IQCH: variants seen among roughly 807,000 people sequenced by gnomAD.
The protein encoded by IQCH is IQ motif containing H.
IQCH carries 98 observed loss-of-function variants against 117.0 expected under a neutral mutation model. The observed-to-expected ratio is 0.84, with a 90% CI of 0.71 to 0.99. The LOEUF is 0.99. Ranked by LOEUF, IQCH falls within the 50% of genes least tolerant of loss-of-function variation. IQCH has a pLI of 0.00. For missense variants in IQCH, 1,102 were observed against 1,243.8 expected (o/e 0.89, Z 1.72); for synonymous variants, 412 against 448.2 (o/e 0.92, Z 1.02).
intron 14 of IQCH, among the ~76,000 whole-genome samples, chr15:67,402,404 G>T (rs894614348): frequency 6.6e-6 from 1 of 152,114 alleles, no homozygotes; most frequent in Non-Finnish European, 1.5e-5. Context: ...AATCATATTC[G>T]GAGTGGAGGT....
intron 3 of IQCH, among the ~76,000 whole-genome samples, chr15:67,272,920 A>G (rs1965962484): frequency 6.6e-6 from 1 of 152,096 alleles, no homozygotes; most frequent in East Asian, 1.9e-4. Context: ...ATTCAGTCTT[A>G]TTATTGCTGA....
rs113201131 is a variant in IQCH at position 67,281,865 on chromosome 15, G to A, written c.387+2353G>A. ...ACAAAACCACCACAGTGATCTCTAAGAGTGTGCTCATCTGCATGTAAAATA... is the reference window on the plus strand; with the variant it reads ...ACAAAACCACCACAGTGATCTCTAAAAGTGTGCTCATCTGCATGTAAAATA... On this transcript the variant is annotated intron_variant, in intron 4 of 20. Coordinates refer to ENST00000335894, the MANE Select transcript of IQCH (RefSeq NM_001031715.3). 1,098 of 427,418 alleles carry A rather than the reference G, an allele frequency of 2.6e-3. 10 individuals are homozygous for A. The highest frequency in any genetic ancestry group is 0.02 in the African/African-American group (981 of 49,424). The allele number at this position is 427,418 out of a possible 1,614,324, so 26.5% of individuals were successfully genotyped here.
chr15:67,428,219 A>G (rs1199423560), intron 16 of IQCH, among the ~76,000 whole-genome samples: 1 of 152,268 alleles, frequency 6.6e-6, no homozygotes, highest in Admixed American at 6.5e-5. Flanking sequence ...AAGAATATTT[A>G]ACAGGAAACT....
At position 67,443,410 on chromosome 15, in the gene IQCH, C is replaced by A. The variant is rs2082325499; in HGVS notation, c.2506-21717C>A. On this transcript the variant is annotated intron_variant, in intron 16 of 20. Coordinates refer to ENST00000335894, the MANE Select transcript of IQCH (RefSeq NM_001031715.3). This position sits in a 1 kb window ranked among gnomAD's most constrained non-coding sequence, Gnocchi z 5.0. ...AAAGGCATAAGAATGATACAATCGA[C>A]TTTGGGGACTTGGGGGAAAGAGTGG... Among the ~76,000 whole-genome samples the A allele has an allele frequency of 6.6e-6, 1 of 152,082 alleles. No homozygotes were observed. The highest frequency in any genetic ancestry group is 2.1e-4 in the South Asian group (1 of 4,810).
rs1279395479 is a variant in IQCH, at chr15:67,413,641, A to T, written c.2098-3290A>T. On this transcript the variant is annotated intron_variant, in intron 14 of 20. Coordinates refer to ENST00000335894, the MANE Select transcript of IQCH (RefSeq NM_001031715.3). This position sits in a 1 kb window ranked among gnomAD's most constrained non-coding sequence, Gnocchi z 5.0. ...TCAGACACTTTCAAAATAAAGAAAT[A>T]AATTAAACAGTTAATACCCCTCTCC... 6.6e-6 allele frequency: 1 copy of T among 152,178 alleles called. No individual in the cohort carries two copies. Among genetic ancestry groups the T allele is most frequent in the Non-Finnish European group, 1.5e-5 (1 of 68,038 alleles). 9.4% of individuals were successfully genotyped at this position (152,178 alleles called of 1,614,324 possible). A position where few individuals can be genotyped will look rare whatever the true frequency, so the allele number is the denominator to read the frequency against.
chr15:67,299,165 C>T (rs1966899930), intron 4 of IQCH, among the ~76,000 whole-genome samples: 1 of 150,940 alleles, frequency 6.6e-6, no homozygotes, highest in Non-Finnish European at 1.5e-5. Context: ...ATAAGCCAGG[C>T]ATAGAAGGGC....
Position 67,458,013 on chromosome 15 carries a change from T to A in IQCH, c.2506-7114T>A, listed in dbSNP as rs1217151494. On this transcript the variant is annotated intron_variant, in intron 16 of 20. Transcript: ENST00000335894. This position sits in a 1 kb window ranked among gnomAD's most constrained non-coding sequence, Gnocchi z 4.1. ...CACTTCTCACCAATCCAGGAGAATC[T>A]TGAGCCCCAGGCCCAGAAGTGAGAG... is the stretch of plus-strand genomic sequence containing the variant. 6.6e-6 allele frequency among the ~76,000 whole-genome samples: 1 copy of A among 152,242 alleles called. No homozygotes were observed. Among genetic ancestry groups the A allele is most frequent in the African/African-American group, 2.4e-5 (1 of 41,468 alleles).
chr15:67,331,377 G>A (rs1385489782), intron 4 of IQCH, among the ~76,000 whole-genome samples: 2 of 152,032 alleles, frequency 1.3e-5, no homozygotes, highest in African/African-American at 2.4e-5. Flanking sequence ...ATAAAAAAGG[G>A]ATATAAGGGA....
At chr15:67,301,850 T>A (rs1176905965) in intron 4 of IQCH, among the ~76,000 whole-genome samples, 3 of 152,202 alleles carry the variant, frequency 2.0e-5, no homozygotes. Context: ...ATTAATATTT[T>A]AAAATTATCT....
intron 4 of IQCH, among the ~76,000 whole-genome samples, chr15:67,336,326 A>G (rs1234831171): frequency 6.6e-6 from 1 of 152,230 alleles, no homozygotes; most frequent in African/African-American, 2.4e-5. Context: ...AAAATAGTAT[A>G]GTTGGACTAT....
In IQCH at chr15:67,370,867, G is replaced by T. The variant is rs1970501242; in HGVS notation, c.754-1244G>T. ...TGAGATGGCAGTCTAATTAATTATTGTGCGGCCCAGGACCGGAGAAAAGAA... is the reference window on the plus strand; with the variant it reads ...TGAGATGGCAGTCTAATTAATTATTTTGCGGCCCAGGACCGGAGAAAAGAA... On this transcript the variant is annotated intron_variant, in intron 8 of 20. Coordinates refer to ENST00000335894, the MANE Select transcript of IQCH (RefSeq NM_001031715.3). This position sits in a 1 kb window ranked among gnomAD's most constrained non-coding sequence, Gnocchi z 5.6. Among the ~76,000 whole-genome samples the T allele has an allele frequency of 4.6e-5, 7 of 151,768 alleles. No individual in the cohort carries two copies. Among genetic ancestry groups the T allele is most frequent in the Admixed American group, 3.9e-4 (6 of 15,230 alleles).
In IQCH at chr15:67,395,422, C is replaced by T. The variant is rs769748956; in HGVS notation, c.1764C>T (p.Ala588=). The change falls in exon 13 of 21, where the codon GCC becomes GCT. Residue 588 remains alanine, a synonymous_variant. Transcript: ENST00000335894. This position sits in a 1 kb window ranked among gnomAD's most constrained non-coding sequence, Gnocchi z 4.0. ...TCCACAGAGATGATTTAGCTGTGGC[C>T]GATATGTTAGACATACCCATCCTGG... ...GLLHRDDLAV[A]DMLDIPILGS... 6.1e-5 allele frequency: 99 copies of T among 1,613,850 alleles called. No homozygotes were observed. In the Admixed American group the frequency reaches 6.8e-4, roughly 11 times the overall value.
chr15:67,463,812 A>G lies in IQCH; in HGVS notation c.2506-1315A>G, dbSNP rs1183324968. On this transcript the variant is annotated intron_variant, in intron 16 of 20. Transcript: ENST00000335894. This position sits in a 1 kb window ranked among gnomAD's most constrained non-coding sequence, Gnocchi z 4.0. ...ATATAAAATTCTATTGTTTAATTGG[A>G]TATGTATGTATCTGTCTTCACCTTC... 1.3e-5 allele frequency among the ~76,000 whole-genome samples: 2 copies of G among 152,028 alleles called. No homozygotes were observed. The highest frequency in any genetic ancestry group is 2.9e-5 in the Non-Finnish European group (2 of 68,010).
chr15:67,314,113 G>A lies in IQCH; in HGVS notation c.388-22862G>A, dbSNP rs189155470. On this transcript the variant is annotated intron_variant, in intron 4 of 20. Transcript: ENST00000335894. Reference sequence around the variant, plus strand: ...CGCTCTTACTTTCTGTCCTAATGCTGTATGCCCCACTACTACTTACAATTC... The same window carrying A: ...CGCTCTTACTTTCTGTCCTAATGCTATATGCCCCACTACTACTTACAATTC... Among the ~76,000 whole-genome samples the A allele has an allele frequency of 6.6e-5, 10 of 152,204 alleles. No individual in the cohort carries two copies. In the East Asian group the frequency reaches 1.9e-3, roughly 29 times the overall value.
rs12591605 is a variant in IQCH, at chr15:67,474,026, T to C, written c.2677-1670T>C. Among the ~76,000 whole-genome samples, 131,766 of 151,340 alleles carry C rather than the reference T, an allele frequency of 0.87. 57,451 individuals are homozygous for C. The highest frequency in any genetic ancestry group is 0.91 in the African/African-American group (37,380 of 41,162). Reference sequence around the variant, plus strand: ...GAAGAAAAACATGCTCCCCCCATCATGTGTGAGGGGAGCATGTCACCAAAA... The same window carrying C: ...GAAGAAAAACATGCTCCCCCCATCACGTGTGAGGGGAGCATGTCACCAAAA... On this transcript the variant is annotated intron_variant, in intron 17 of 20. Coordinates refer to ENST00000335894, the MANE Select transcript of IQCH (RefSeq NM_001031715.3). This position sits in a 1 kb window ranked among gnomAD's most constrained non-coding sequence, Gnocchi z 4.1.
intron 5 of IQCH, among the ~76,000 whole-genome samples, chr15:67,337,618 C>G (rs1052358885): frequency 6.6e-6 from 1 of 152,082 alleles, no homozygotes. Flanking sequence ...AGAACCATAT[C>G]CAGCATTTTG....
chr15:67,360,041 G>GAA (rs34407381), intron 8 of IQCH, 156 bp downstream of exon 8: 863 of 450,586 alleles, frequency 1.9e-3, no homozygotes, highest in South Asian at 4.0e-3. Flanking sequence ...ATGGTTTCAG[G>GAA]AAAAAAAAAA....
rs1883040027 is a variant in IQCH, at chr15:67,405,401, CA to C, written c.2097+5097del. 6.3e-6 allele frequency: 1 copy of C among 157,866 alleles called. No homozygotes were observed. The highest frequency in any genetic ancestry group is 1.4e-5 in the Non-Finnish European group (1 of 72,276). 9.8% of individuals were successfully genotyped at this position (157,866 alleles called of 1,614,324 possible). ...CCTTGTATTTCTTTGTCATCATCAT[CA>C]TCATCATCATCATCATCATCATCAT... On this transcript the variant is annotated intron_variant, in intron 14 of 20. Coordinates refer to ENST00000335894, the MANE Select transcript of IQCH (RefSeq NM_001031715.3). This position sits in a 1 kb window ranked among gnomAD's most constrained non-coding sequence, Gnocchi z 4.8.
chr15:67,314,038 G>A (rs114503783), intron 4 of IQCH, among the ~76,000 whole-genome samples: 2,022 of 152,122 alleles, frequency 0.013, 42 homozygotes, highest in African/African-American at 0.046. Context: ...CATATAAATG[G>A]CCACTCAGAA....
Sources: allele counts gnomAD v4.1 joint callset (sites outside exome capture counted in the v4.1 genomes callset), GRCh38; gene constraint gnomAD v4.1.1; non-coding constraint Gnocchi (gnomAD v3.1); transcripts MANE v1.5; gene names NCBI Gene and HGNC (gene_info 2026-07-23, HGNC 2026-07-21).